DCP2: variants seen among roughly 807,000 people sequenced by gnomAD.
DCP2 encodes the protein decapping mRNA 2.
Under a neutral mutation model 56.1 loss-of-function variants are expected in DCP2, and 30 were observed. That is an observed-to-expected ratio of 0.53 (90% CI 0.40 to 0.73). The LOEUF (loss-of-function observed/expected upper bound fraction) is 0.73, where lower values mean the gene tolerates loss of function less well. DCP2 is among the 30% of genes least tolerant of loss of function. DCP2 has a pLI of 0.00. For missense variants in DCP2, 533 were observed against 502.7 expected (o/e 1.06, Z -0.58); for synonymous variants, 197 against 163.3 (o/e 1.21, Z -1.57).
At position 112,992,659 on chromosome 5, in the gene DCP2, G is replaced by C. The variant is rs547351729; in HGVS notation, c.334-13G>C. ...GAGGGCAAGTTTGATTTTTACTTCT[G>C]CTTGTTTTGTAGGTACTACTAGTTC... On this transcript the variant is annotated splice_polypyrimidine_tract_variant and intron_variant, in intron 3 of 10. Transcript: ENST00000389063. 3.2e-6 allele frequency: 5 copies of C among 1,553,186 alleles called. No individual in the cohort carries two copies. In the East Asian group the frequency reaches 1.2e-4, roughly 36 times the overall value.
At position 113,013,984 on chromosome 5, in the gene DCP2, T is replaced by A. The variant is rs1749784425; in HGVS notation, c.*500T>A. On this transcript the variant is annotated 3_prime_UTR_variant, in exon 11 of 11. Transcript: ENST00000389063. Reference sequence around the variant, plus strand: ...GTGGCATTTTGTACTTCTCTCTGCTTCTAACCACTGAGGCTCTCTAATCTT... The same window carrying A: ...GTGGCATTTTGTACTTCTCTCTGCTACTAACCACTGAGGCTCTCTAATCTT... 1 of 152,580 alleles carries A rather than the reference T, an allele frequency of 6.6e-6. No individual in the cohort carries two copies. The highest frequency in any genetic ancestry group is 2.4e-5 in the African/African-American group (1 of 41,474). 9.5% of individuals were successfully genotyped at this position (152,580 alleles called of 1,614,324 possible). A position where few individuals can be genotyped will look rare whatever the true frequency, so the allele number is the denominator to read the frequency against.
chr5:112,978,253 G>A (rs1460754077), intron 1 of DCP2, among the ~76,000 whole-genome samples: 1 of 152,192 alleles, frequency 6.6e-6, no homozygotes, highest in Non-Finnish European at 1.5e-5. Context: ...GGGATTACAG[G>A]CGTGAGCCAT....
At chr5:112,981,955 G>A (rs752394012) in intron 1 of DCP2, among the ~76,000 whole-genome samples, 1 of 152,046 alleles carries the variant, frequency 6.6e-6, no homozygotes, top group African/African-American at 2.4e-5. Flanking sequence ...TAGTGGAGAC[G>A]GGGTTTCACC....
intron 1 of DCP2, among the ~76,000 whole-genome samples, chr5:112,983,125 A>G (rs1366526312): frequency 2.0e-5 from 3 of 152,226 alleles, no homozygotes; most frequent in African/African-American, 4.8e-5. Context: ...CTGAATGCCA[A>G]TTACAGATTG....
In DCP2 at chr5:113,018,534, T is replaced by C. The variant is rs549217739; in HGVS notation, c.*5050T>C. ...GAATGCAGAAATCAGTTGGCTGTGT[T>C]TGTAATCTTGTCCCACATGGACCCT... On this transcript the variant is annotated 3_prime_UTR_variant, in exon 11 of 11. Coordinates refer to ENST00000389063, the MANE Select transcript of DCP2 (RefSeq NM_152624.6). 8.5e-5 allele frequency: 13 copies of C among 152,360 alleles called. 1 individual carries two copies. Among genetic ancestry groups the C allele is most frequent in the Admixed American group, 8.5e-4 (13 of 15,304 alleles). 9.4% of individuals were successfully genotyped at this position (152,360 alleles called of 1,614,324 possible).
At chr5:113,004,183 T>A in intron 8 of DCP2, 106 bp downstream of exon 8, 1 of 1,294,622 alleles carries the variant, frequency 7.7e-7, no homozygotes, top group Non-Finnish European at 1.1e-6. Context: ...AGCTCTGAGT[T>A]ACTGATCAAA....
intron 4 of DCP2, among the ~76,000 whole-genome samples, chr5:113,000,765 T>A (rs1749139261): frequency 6.6e-6 from 1 of 152,210 alleles, no homozygotes; most frequent in African/African-American, 2.4e-5. Context: ...GTGGGAAATC[T>A]TGAAACCTCT....
At chr5:113,002,090 G>A (rs1307572826) in intron 7 of DCP2, among the ~76,000 whole-genome samples, 1 of 152,158 alleles carries the variant, frequency 6.6e-6, no homozygotes, top group South Asian at 2.1e-4. Flanking sequence ...AATGTAGTTT[G>A]TTAAATTGGA....
intron 4 of DCP2, among the ~76,000 whole-genome samples, chr5:112,995,483 G>A (rs946091257): frequency 3.9e-5 from 6 of 152,196 alleles, no homozygotes; most frequent in Non-Finnish European, 5.9e-5. Flanking sequence ...TAAGGTGGTT[G>A]TCCAGGTCAG....
In DCP2 at chr5:112,992,171, G is replaced by A. The variant is rs199736489; in HGVS notation, c.256G>A (p.Val86Ile). The change falls in exon 3 of 11, where the codon GTT becomes ATT. Residue 86 changes from valine (V) to isoleucine (I), a missense_variant. Physicochemically the swap from Val to Ile is conservative, Grantham distance 29 (BLOSUM62 3). Transcript: ENST00000389063. ...GCCTCAAGGTGAAGATGTGGAAAAA[G>A]TTTTGGATGAATGGAAGGAATATAA... ...LLPQGEDVEK[V>I]LDEWKEYKMG... 1 of 1,613,848 alleles carries A rather than the reference G, an allele frequency of 6.2e-7. No homozygotes were observed. Among genetic ancestry groups the A allele is most frequent in the Non-Finnish European group, 8.5e-7 (1 of 1,179,960 alleles).
intron 1 of DCP2, among the ~76,000 whole-genome samples, chr5:112,981,382 G>T (rs1204215489): frequency 6.6e-6 from 1 of 152,000 alleles, no homozygotes; most frequent in Non-Finnish European, 1.5e-5. Context: ...CTCTGATATG[G>T]TGAGATGATT....
At chr5:112,990,102 C>G (rs996304471) in intron 2 of DCP2, among the ~76,000 whole-genome samples, 1 of 152,146 alleles carries the variant, frequency 6.6e-6, no homozygotes, top group African/African-American at 2.4e-5. Context: ...ACTTGGCCAT[C>G]TCATTGGCAA....
chr5:113,001,827 AG>A (rs1160238006), intron 7 of DCP2, among the ~76,000 whole-genome samples, 153 bp downstream of exon 7: 1 of 152,174 alleles, frequency 6.6e-6, no homozygotes, highest in East Asian at 1.9e-4. Context: ...ATTTTTTTAA[AG>A]GGTTTCTGAT....
rs368124032 is a variant in DCP2, at chr5:112,988,494, T to TAAAA, written c.205+2529_205+2532dup. On this transcript the variant is annotated intron_variant, in intron 2 of 10. Coordinates refer to ENST00000389063, the MANE Select transcript of DCP2 (RefSeq NM_152624.6). Reference sequence around the variant, plus strand: ...GTGACACAGCGAGACTGTGTCTTAATAAAAAAAAAAAAAAAAAAAAAAAAT... The same window carrying TAAAA: ...GTGACACAGCGAGACTGTGTCTTAATAAAAAAAAAAAAAAAAAAAAAAAAAAAAT... Among the ~76,000 whole-genome samples, 160 of 82,124 alleles carry TAAAA rather than the reference T, an allele frequency of 1.9e-3. 4 individuals are homozygous for TAAAA. Among genetic ancestry groups the TAAAA allele is most frequent in the African/African-American group, 5.7e-3 (114 of 20,054 alleles). The allele number at this position is 82,124 out of a possible 152,430, so 53.9% of individuals were successfully genotyped here. A position where few individuals can be genotyped will look rare whatever the true frequency, so the allele number is the denominator to read the frequency against.
intron 4 of DCP2, among the ~76,000 whole-genome samples, chr5:112,995,322 A>T (rs922114230): frequency 2.6e-5 from 4 of 152,228 alleles, no homozygotes; most frequent in African/African-American, 9.6e-5. Flanking sequence ...GTAGGAAATG[A>T]GACGGACCAA....
intron 9 of DCP2, 29 bp from the exon 10 acceptor site, chr5:113,010,727 G>C (rs1354178664): frequency 1.4e-6 from 2 of 1,481,446 alleles, no homozygotes; most frequent in East Asian, 4.9e-5. Flanking sequence ...GTATGTGTGT[G>C]TGTGTGTGTT....
At position 113,010,797 on chromosome 5, in the gene DCP2, T is replaced by A; in HGVS notation, c.1089T>A (p.Asn363Lys). 1 of 1,599,428 alleles carries A rather than the reference T, an allele frequency of 6.3e-7. No individual in the cohort carries two copies. ...TTCATCCACGGAAACTTCAGGATAA[T>A]TTTGAAACAGGCAAGTCATTTCCTA... ...KKLHPRKLQD[N>K]FETDAVYDLP... Residue 363 changes from asparagine to lysine, a missense_variant, in exon 10 of 11, where the codon AAT (asparagine) becomes AAA (lysine). Coordinates refer to ENST00000389063, the MANE Select transcript of DCP2 (RefSeq NM_152624.6).
chr5:113,000,520 C>T (rs1165259782), intron 4 of DCP2, among the ~76,000 whole-genome samples: 1 of 151,920 alleles, frequency 6.6e-6, no homozygotes, highest in Non-Finnish European at 1.5e-5. Context: ...TTAAGTAAAC[C>T]AGCCTTAATT....
chr5:112,995,715 A>G (rs1013260754), intron 4 of DCP2, among the ~76,000 whole-genome samples: 2 of 152,060 alleles, frequency 1.3e-5, no homozygotes, highest in South Asian at 2.1e-4. Flanking sequence ...AAATTTTTGG[A>G]TTAGGATTTT....
Sources: allele counts gnomAD v4.1 joint callset (sites outside exome capture counted in the v4.1 genomes callset), GRCh38; gene constraint gnomAD v4.1.1; transcripts MANE v1.5; gene names NCBI Gene and HGNC (gene_info 2026-07-23, HGNC 2026-07-21).